SEPTIN4: variants seen among roughly 807,000 people sequenced by gnomAD.
The protein encoded by SEPTIN4 is septin 4, also known as septin-4.
In SEPTIN4, 52 loss-of-function variants were observed where a neutral mutation model predicts 107.1. That is an observed-to-expected ratio of 0.49 (90% CI 0.39 to 0.61). SEPTIN4 has a LOEUF of 0.61. SEPTIN4 is among the 20% of genes least tolerant of loss of function. The pLI, the probability that SEPTIN4 is intolerant of heterozygous loss-of-function variation, is 0.00. For synonymous variants in SEPTIN4, 417 were observed against 467.0 expected (o/e 0.89, Z 1.38); for missense variants, 1,048 against 1,243.5 (o/e 0.84, Z 2.36).
In SEPTIN4 at chr17:58,521,748, G is replaced by A. The variant is rs767127908; in HGVS notation, c.2457C>T (p.His819=). The A allele has an allele frequency of 3.7e-6, 6 of 1,614,226 alleles. No individual in the cohort carries two copies. The highest frequency in any genetic ancestry group is 1.1e-5 in the South Asian group (1 of 91,082). ...ADTLTPPEVD[H]KKRKIREEIE... ...CAGCTTCCCTCACTTTGCGTTTCTT[G>A]TGGTCCACTTCGGGAGGTGTCAGTG... Residue 819 remains histidine (H), a synonymous_variant, in exon 9 of 14, where the codon CAC becomes CAT. Transcript: ENST00000672673. This position sits in a 1 kb window ranked among gnomAD's most constrained non-coding sequence, Gnocchi z 6.4.
At chr17:58,534,273 G>C (rs1292463063) in intron 3 of SEPTIN4, among the ~76,000 whole-genome samples, 1 of 152,246 alleles carries the variant, frequency 6.6e-6, no homozygotes, top group Non-Finnish European at 1.5e-5. Flanking sequence ...AGCCCTGCAT[G>C]CTAACCTACT....
chr17:58,542,097 C>A, intron 1 of SEPTIN4, 131 bp from the exon 2 acceptor site: 2 of 976,862 alleles, frequency 2.0e-6, no homozygotes, highest in Admixed American at 2.5e-5. Flanking sequence ...TGGTCCTCTC[C>A]AAGAAGCTCC....
At position 58,526,211 on chromosome 17, in the gene SEPTIN4, C is replaced by T. The variant is rs370290892; in HGVS notation, c.2005+9G>A. 3.8e-6 allele frequency: 6 copies of T among 1,583,412 alleles called. No individual in the cohort carries two copies. The highest frequency in any genetic ancestry group is 1.4e-5 in the African/African-American group (1 of 73,830). On this transcript the variant is annotated intron_variant, in intron 5 of 13. Transcript: ENST00000672673. ...CACCCTGCCCAACCCAGCCCTGCCC[C>T]TTTTTTACCTGCCACCATGAGGGTA...
rs2043932697 is a variant in SEPTIN4, at chr17:58,543,260, T to C, written c.927A>G (p.Ala309=). 18 of 1,614,054 alleles carry C rather than the reference T, an allele frequency of 1.1e-5. No homozygotes were observed. Among genetic ancestry groups the C allele is most frequent in the Non-Finnish European group, 1.4e-5 (16 of 1,180,034 alleles). ...YSAYPETKPS[A]KVLVSSQVES... ...CCACCTGTGATGATACTAAGACCTT[T>C]GCGGAGGGCTTGGTTTCAGGATAGG... is the stretch of plus-strand genomic sequence containing the variant. The change falls in exon 1 of 14, where the codon GCA becomes GCG. Residue 309 remains alanine (A), a synonymous_variant. Transcript: ENST00000672673.
intron 3 of SEPTIN4, among the ~76,000 whole-genome samples, chr17:58,534,958 A>G (rs1018840196): frequency 6.6e-6 from 1 of 152,252 alleles, no homozygotes; most frequent in African/African-American, 2.4e-5. Flanking sequence ...ATGACTAGCA[A>G]TGGCCACTTC....
intron 4 of SEPTIN4, 70 bp downstream of exon 4, chr17:58,526,612 A>ACACACT (rs1202570216): frequency 1.3e-6 from 2 of 1,501,530 alleles, no homozygotes; most frequent in Non-Finnish European, 1.8e-6. Flanking sequence ...ACACACACAC[A>ACACACT]CTCTGCTCCC....
intron 3 of SEPTIN4, among the ~76,000 whole-genome samples, chr17:58,534,641 A>G (rs1243815375): frequency 6.6e-6 from 1 of 152,206 alleles, no homozygotes; most frequent in African/African-American, 2.4e-5. Flanking sequence ...GATGGCCTTG[A>G]CTACAGTACA....
At chr17:58,537,941 G>A (rs986158679) in intron 3 of SEPTIN4, among the ~76,000 whole-genome samples, 1 of 151,048 alleles carries the variant, frequency 6.6e-6, no homozygotes, top group African/African-American at 2.4e-5. Context: ...CCCAAAGCAA[G>A]AGAAATGCCG....
chr17:58,527,973 C>G (rs1248649622), intron 3 of SEPTIN4: 1 of 985,720 alleles, frequency 1.0e-6, no homozygotes, highest in Middle Eastern at 5.2e-4. Flanking sequence ...TCCCCCAACT[C>G]TCATTGTCAG....
chr17:58,526,575 C>CAA, intron 4 of SEPTIN4, 107 bp downstream of exon 4: 4 of 486,078 alleles, frequency 8.2e-6, no homozygotes, highest in Middle Eastern at 6.2e-4. Context: ...CACACACAAA[C>CAA]ACACACACAC....
chr17:58,543,970 G>C lies in SEPTIN4; in HGVS notation c.217C>G (p.Leu73Val), dbSNP rs768398346. The C allele has an allele frequency of 2.7e-5, 43 of 1,613,856 alleles. No individual in the cohort carries two copies. The highest frequency in any genetic ancestry group is 1.6e-4 in the Middle Eastern group (1 of 6,084). Residue 73 changes from leucine to valine, a missense_variant, in exon 1 of 14, where the codon CTC (leucine) becomes GTC (valine). By Grantham distance (32) the Leu-to-Val change is conservative. Transcript: ENST00000672673. The part of the protein sequence containing the change: ...SASDYPRSVS[L>V]QSGPGHYAVP... ...GCATAGTGTCCAGGTCCTGACTGGA[G>C]GGAGACAGATCGAGGGTAGTCTGAT...
At chr17:58,540,183 C>T (rs1474602817) in intron 3 of SEPTIN4, among the ~76,000 whole-genome samples, 2 of 152,166 alleles carry the variant, frequency 1.3e-5, no homozygotes, top group Admixed American at 1.3e-4. Context: ...AATCAGGACA[C>T]GGGACTGCTG....
intron 3 of SEPTIN4, among the ~76,000 whole-genome samples, chr17:58,537,698 C>T (rs58963699): frequency 3.3e-5 from 5 of 151,888 alleles, no homozygotes; most frequent in Admixed American, 6.6e-5. Context: ...GGCGTGGTGG[C>T]GGGTGCCTGT....
intron 7 of SEPTIN4, chr17:58,524,463 G>A (rs1598267748): frequency 6.6e-6 from 1 of 151,830 alleles, no homozygotes; most frequent in East Asian, 1.9e-4. Flanking sequence ...TGTTGCTAGT[G>A]AAAGGAAAAA....
intron 3 of SEPTIN4, chr17:58,531,374 C>G (rs1281482663): frequency 6.6e-6 from 1 of 152,358 alleles, no homozygotes; most frequent in Non-Finnish European, 1.5e-5. Context: ...GCTAATCCCA[C>G]CGGGCAGGAT....
chr17:58,527,349 G>A, intron 3 of SEPTIN4: 1 of 414,154 alleles, frequency 2.4e-6, no homozygotes, highest in Non-Finnish European at 4.5e-6. Flanking sequence ...TCTCAGGCCA[G>A]GAAGTAAGGC....
At chr17:58,525,934 C>G in intron 5 of SEPTIN4, 153 bp from the exon 6 acceptor site, 1 of 853,360 alleles carries the variant, frequency 1.2e-6, no homozygotes, top group South Asian at 1.8e-5. Context: ...GGAGGAAGCA[C>G]AGAGATTGGC....
rs150359499 is a variant in SEPTIN4 at position 58,533,577 on chromosome 17, C to T, written c.1615-6599G>A. Among the ~76,000 whole-genome samples, 631 of 150,406 alleles carry T rather than the reference C, an allele frequency of 4.2e-3. 3 individuals are homozygous for T. The highest frequency in any genetic ancestry group is 0.014 in the African/African-American group (583 of 40,810). On this transcript the variant is annotated intron_variant, in intron 3 of 13. Coordinates refer to ENST00000672673, the MANE Select transcript of SEPTIN4 (RefSeq NM_001368771.2). Reference sequence around the variant, plus strand: ...CCAGGATCTGAGTGAAGGGGGAGGACGTGTAGGATGGGGGCAGCAGCTTGG... The same window carrying T: ...CCAGGATCTGAGTGAAGGGGGAGGATGTGTAGGATGGGGGCAGCAGCTTGG...
intron 7 of SEPTIN4, among the ~76,000 whole-genome samples, chr17:58,522,755 C>T (rs1222818717): frequency 6.6e-6 from 1 of 151,958 alleles, no homozygotes; most frequent in Non-Finnish European, 1.5e-5. Flanking sequence ...GTCAGGTTTC[C>T]AGTGTAACCT....
Sources: gnomAD v4.1 joint callset for allele counts (sites outside exome capture counted in the v4.1 genomes callset) on GRCh38, gnomAD v4.1.1 for gene constraint, Gnocchi (gnomAD v3.1) non-coding constraint, MANE v1.5 for transcripts, NCBI Gene and HGNC (gene_info 2026-07-23, HGNC 2026-07-21) for gene names.